The following ANKS1B variants were observed in gnomAD, a reference collection of about 807,000 sequenced individuals.
ANKS1B encodes the protein ankyrin repeat and sterile alpha motif domain-containing protein 1B.
A neutral mutation model predicts 148.3 loss-of-function variants in ANKS1B; 36 were observed. The ratio of observed to expected loss-of-function variants is 0.24; its 90% CI spans 0.19 to 0.32. The LOEUF (loss-of-function observed/expected upper bound fraction) is 0.32. Among genes scored for constraint, ANKS1B ranks in the 10% least tolerant of loss-of-function variants. The pLI is 1.00. For missense variants in ANKS1B, 1,157 were observed against 1,542.6 expected, an observed-to-expected ratio of 0.75 and a Z score of 4.19; for synonymous variants, 542 against 560.8, an observed-to-expected ratio of 0.97 and a Z score of 0.47.
intron 8 of ANKS1B, among the ~76,000 whole-genome samples, chr12:99,733,759 C>T (rs2059379204): frequency 6.6e-6 from 1 of 152,116 alleles, no homozygotes; most frequent in Admixed American, 6.6e-5. Flanking sequence ...AAATTCTATT[C>T]TTCTAGTTGG....
intron 17 of ANKS1B, among the ~76,000 whole-genome samples, chr12:99,050,183 G>C (rs2099965052): frequency 6.6e-6 from 1 of 152,166 alleles, no homozygotes; most frequent in South Asian, 2.1e-4. Context: ...TCTCTCATTA[G>C]TTGGGATAAA....
intron 9 of ANKS1B, among the ~76,000 whole-genome samples, chr12:99,602,296 ATG>A (rs1393701718): frequency 6.6e-6 from 1 of 152,056 alleles, no homozygotes; most frequent in African/African-American, 2.4e-5. Context: ...TCCTGAAAAT[ATG>A]TCTGTCCAAT....
At chr12:99,186,244 G>A (rs1337391690) in intron 14 of ANKS1B, among the ~76,000 whole-genome samples, 1 of 152,160 alleles carries the variant, frequency 6.6e-6, no homozygotes, top group Non-Finnish European at 1.5e-5. Flanking sequence ...CCCAGTCAGG[G>A]CCTTATAGAT....
chr12:99,334,092 C>T (rs1388038917), intron 12 of ANKS1B, among the ~76,000 whole-genome samples: 1 of 151,400 alleles, frequency 6.6e-6, no homozygotes, highest in African/African-American at 2.4e-5. Flanking sequence ...GCTTGACTTC[C>T]AAGATACAGA....
intron 8 of ANKS1B, among the ~76,000 whole-genome samples, chr12:99,681,245 C>T (rs2098614696): frequency 6.6e-6 from 1 of 152,158 alleles, no homozygotes; most frequent in African/African-American, 2.4e-5. Flanking sequence ...CAAGCCATTA[C>T]AGCAACTCAT....
intron 12 of ANKS1B, chr12:99,341,302 T>C (rs1259044156): frequency 6.6e-6 from 1 of 152,114 alleles, no homozygotes; most frequent in African/African-American, 2.4e-5. Flanking sequence ...ATGGAATCTT[T>C]TGGAGTGCTA....
intron 1 of ANKS1B, among the ~76,000 whole-genome samples, chr12:99,907,812 TAAA>T (rs751468199): frequency 0.043 from 4,336 of 100,160 alleles, 211 homozygotes; most frequent in African/African-American, 0.12. Context: ...GAGAAATTCT[TAAA>T]AAAAAAAAAA....
chr12:99,465,697 G>A (rs1355356255), intron 10 of ANKS1B, among the ~76,000 whole-genome samples: 1 of 152,132 alleles, frequency 6.6e-6, no homozygotes, highest in Non-Finnish European at 1.5e-5. Flanking sequence ...AGACAAAGCA[G>A]GCCATTATAT....
At chr12:99,248,880 T>C (rs755462496) in intron 12 of ANKS1B, among the ~76,000 whole-genome samples, 199 of 152,220 alleles carry the variant, frequency 1.3e-3, no homozygotes, top group Non-Finnish European at 1.3e-3. Context: ...AGGCTCTTTG[T>C]AAAGAGACAT....
chr12:99,881,423 C>CT (rs1415451805), intron 1 of ANKS1B, among the ~76,000 whole-genome samples: 1 of 152,178 alleles, frequency 6.6e-6, no homozygotes, highest in Non-Finnish European at 1.5e-5. Flanking sequence ...ACTCCTACTG[C>CT]TTTTTCTCTC....
intron 10 of ANKS1B, among the ~76,000 whole-genome samples, chr12:99,499,113 T>C (rs977823513): frequency 3.9e-5 from 6 of 152,224 alleles, no homozygotes; most frequent in Non-Finnish European, 2.9e-5. Context: ...ATGGCGCTTA[T>C]TGGGGGCAAT....
At chr12:99,780,363 C>G (rs2064143069) in intron 5 of ANKS1B, among the ~76,000 whole-genome samples, 1 of 152,124 alleles carries the variant, frequency 6.6e-6, no homozygotes, top group Non-Finnish European at 1.5e-5. Flanking sequence ...GCAAGCTCCG[C>G]TTCCCAGGTT....
At chr12:99,039,386 A>C (rs1340404594) in intron 17 of ANKS1B, among the ~76,000 whole-genome samples, 1 of 152,076 alleles carries the variant, frequency 6.6e-6, no homozygotes, top group African/African-American at 2.4e-5. Flanking sequence ...CCTGGCAGCA[A>C]TTCATTCAGT....
intron 12 of ANKS1B, among the ~76,000 whole-genome samples, chr12:99,305,994 G>C (rs924526710): frequency 6.6e-6 from 1 of 152,012 alleles, no homozygotes; most frequent in African/African-American, 2.4e-5. Context: ...CTACACTTTG[G>C]GGGATGCTTT....
At chr12:99,470,968 A>G (rs2096232675) in intron 10 of ANKS1B, among the ~76,000 whole-genome samples, 1 of 152,138 alleles carries the variant, frequency 6.6e-6, no homozygotes, top group Admixed American at 6.6e-5. Context: ...ACTAATGATA[A>G]GAGATCTTAC....
At chr12:99,369,849 C>CAGATAGATAGACAGAT (rs2093023116) in intron 12 of ANKS1B, among the ~76,000 whole-genome samples, 1 of 145,520 alleles carries the variant, frequency 6.9e-6, no homozygotes, top group Non-Finnish European at 1.5e-5. Context: ...CAGACAGAGA[C>CAGATAGATAGACAGAT]AGATAGATAG....
At chr12:99,419,369 G>C (rs1439870298) in intron 11 of ANKS1B, among the ~76,000 whole-genome samples, 5 of 152,154 alleles carry the variant, frequency 3.3e-5, no homozygotes, top group Non-Finnish European at 7.4e-5. Flanking sequence ...TTTTAGCTAA[G>C]TTGTCAAATT....
intron 10 of ANKS1B, among the ~76,000 whole-genome samples, chr12:99,499,287 T>C (rs931673194): frequency 1.3e-5 from 2 of 152,192 alleles, no homozygotes; most frequent in African/African-American, 4.8e-5. Flanking sequence ...GACTATCAAT[T>C]ATTATGAATT....
At chr12:99,904,318 A>G (rs146137544) in intron 1 of ANKS1B, among the ~76,000 whole-genome samples, 5,822 of 151,486 alleles carry the variant, frequency 0.038, 353 homozygotes, top group African/African-American at 0.13. Context: ...CAGCCTCCCA[A>G]GTAGCTGGGA....
Sources: allele counts gnomAD v4.1 joint callset (sites outside exome capture counted in the v4.1 genomes callset), GRCh38; gene constraint gnomAD v4.1.1; transcripts MANE v1.5; gene names NCBI Gene and HGNC (gene_info 2026-07-23, HGNC 2026-07-21).